ANKHD1: variants seen among roughly 807,000 people sequenced by gnomAD.
ANKHD1 encodes the protein ankyrin repeat and KH domain containing 1, also known as ankyrin repeat and KH domain-containing protein 1.
Under a neutral mutation model 230.5 loss-of-function variants are expected in ANKHD1, and 31 were observed. That is an observed-to-expected ratio of 0.13 (90% CI 0.10 to 0.18). The LOEUF (loss-of-function observed/expected upper bound fraction) is 0.18, where lower values mean the gene tolerates loss of function less well. Among genes scored for constraint, ANKHD1 ranks in the 10% least tolerant of loss-of-function variants. ANKHD1 has a pLI of 1.00. For missense variants in ANKHD1, 2,256 were observed against 3,071.3 expected (o/e 0.73, Z 6.27); for synonymous variants, 1,074 against 1,117.6 (o/e 0.96, Z 0.78).
chr5:140,479,746 T>G (rs373299502), intron 10 of ANKHD1, among the ~76,000 whole-genome samples: 23 of 144,806 alleles, frequency 1.6e-4, no homozygotes, highest in East Asian at 8.2e-4. Flanking sequence ...ATATATATAC[T>G]TATATATATA....
chr5:140,412,766 G>T (rs1033196608), intron 1 of ANKHD1, among the ~76,000 whole-genome samples: 1 of 152,148 alleles, frequency 6.6e-6, no homozygotes, highest in South Asian at 2.1e-4. Flanking sequence ...ACAGTGCATG[G>T]TTCCTGTGAG....
In ANKHD1 at chr5:140,402,069, G is replaced by A. The variant is rs569088370; in HGVS notation, c.102G>A (p.Pro34=). The A allele has an allele frequency of 2.3e-5, 34 of 1,492,124 alleles. No individual in the cohort carries two copies. In the African/African-American group the frequency reaches 3.2e-4, roughly 14 times the overall value. 92.4% of individuals were successfully genotyped at this position (1,492,124 alleles called of 1,614,324 possible). A position where few individuals can be genotyped will look rare whatever the true frequency, so the allele number is the denominator to read the frequency against. The change falls in exon 1 of 34, where the codon CCG becomes CCA. Residue 34 remains proline, a synonymous_variant. Coordinates refer to ENST00000360839, the MANE Select transcript of ANKHD1 (RefSeq NM_017747.3). ...CTGGGGCCTCGGAGCCGCCTCCGCC[G>A]GGAGGGGTCGGTCTGGGGATCCGCA... is the stretch of plus-strand genomic sequence containing the variant. ...APAGASEPPP[P]GGVGLGIRTV...
chr5:140,450,542 C>T (rs947623080), intron 7 of ANKHD1, among the ~76,000 whole-genome samples: 7 of 151,812 alleles, frequency 4.6e-5, no homozygotes, highest in Admixed American at 1.3e-4. Flanking sequence ...CTCTCTCTCT[C>T]TCTCTCTTTA....
rs1228543958 is a variant in ANKHD1, at chr5:140,485,640, G to A, written c.2050G>A (p.Val684Ile). Residue 684 changes from valine to isoleucine, a missense_variant, in exon 13 of 34, where the codon GTT becomes ATT. Coordinates refer to ENST00000360839, the MANE Select transcript of ANKHD1 (RefSeq NM_017747.3). The surrounding 1 kb of genome is among the most constrained non-coding windows in gnomAD (Gnocchi z 4.8). ...EAAKGGHTNV[V>I]SYLLDYPNNV... Reference sequence around the variant, plus strand: ...TGCAAAGGGTGGCCATACTAATGTAGTTTCTTATCTGTTGGATTATCCAAA... The same window carrying A: ...TGCAAAGGGTGGCCATACTAATGTAATTTCTTATCTGTTGGATTATCCAAA... 6.2e-7 allele frequency: 1 copy of A among 1,613,972 alleles called. No homozygotes were observed. Among genetic ancestry groups the A allele is most frequent in the Admixed American group, 1.7e-5 (1 of 60,020 alleles).
rs553376101 is a variant in ANKHD1, at chr5:140,415,052, G to A, written c.306+12779G>A. On this transcript the variant is annotated intron_variant, in intron 1 of 33. Transcript: ENST00000360839. ...AATTTATCTGTTTTTTTATTTTGTCGTATGCTTATGATGTCATGAAATTAT... is the reference window on the plus strand; with the variant it reads ...AATTTATCTGTTTTTTTATTTTGTCATATGCTTATGATGTCATGAAATTAT... 2.6e-3 allele frequency among the ~76,000 whole-genome samples: 397 copies of A among 151,616 alleles called. 1 individual carries two copies. Among genetic ancestry groups the A allele is most frequent in the Middle Eastern group, 0.014 (4 of 292 alleles).
At chr5:140,444,084 C>CCG (rs1156275044) in intron 5 of ANKHD1, among the ~76,000 whole-genome samples, 2 of 144,278 alleles carry the variant, frequency 1.4e-5, no homozygotes, top group African/African-American at 5.1e-5. Context: ...TGAAGTCCCC[C>CCG]CCCCCCTTTT....
At chr5:140,410,818 C>T (rs771410990) in intron 1 of ANKHD1, among the ~76,000 whole-genome samples, 2 of 151,948 alleles carry the variant, frequency 1.3e-5, no homozygotes, top group Admixed American at 6.6e-5. Context: ...TTTATTTAAT[C>T]GTTTCATCAC....
intron 14 of ANKHD1, among the ~76,000 whole-genome samples, chr5:140,488,733 C>T (rs1261071744): frequency 6.6e-6 from 1 of 151,980 alleles, no homozygotes; most frequent in African/African-American, 2.4e-5. Flanking sequence ...AATCCCATCT[C>T]TACTAAAAAT....
Position 140,445,742 on chromosome 5 carries a change from G to T in ANKHD1, c.914G>T (p.Gly305Val). ...DADVNSQSAT[G>V]NTALTYACAG... The stretch of plus-strand genomic sequence containing the variant: ...TTATATTTCTTCTTCTTCTTTTTAG[G>T]AAACACTGCGCTAACTTATGCATGT... Residue 305 changes from glycine to valine, a missense_variant and splice_region_variant, in exon 6 of 34, where the codon GGA (glycine) becomes GTA (valine). Physicochemically the swap from Gly to Val is moderately radical, Grantham distance 109 (BLOSUM62 -3). Transcript: ENST00000360839. 6.4e-7 allele frequency: 1 copy of T among 1,552,518 alleles called. No individual in the cohort carries two copies. The highest frequency in any genetic ancestry group is 8.7e-7 in the Non-Finnish European group (1 of 1,145,526).
chr5:140,466,701 T>G (rs1218424900), intron 10 of ANKHD1, among the ~76,000 whole-genome samples: 1 of 152,126 alleles, frequency 6.6e-6, no homozygotes, highest in Non-Finnish European at 1.5e-5. Context: ...ATCCCAGCAC[T>G]TTGGGAGACC....
At chr5:140,464,864 T>G in intron 10 of ANKHD1, 88 bp downstream of exon 10, 1 of 1,309,254 alleles carries the variant, frequency 7.6e-7, no homozygotes, top group Non-Finnish European at 1.0e-6. Context: ...GATCAATGGT[T>G]TGCGTACTTT....
chr5:140,526,699 A>AACTATGTCATT (rs1753622341), intron 26 of ANKHD1, among the ~76,000 whole-genome samples: 1 of 151,670 alleles, frequency 6.6e-6, no homozygotes, highest in Non-Finnish European at 1.5e-5. Context: ...GATTTTATCT[A>AACTATGTCATT]TGTCATTTTT....
intron 24 of ANKHD1, among the ~76,000 whole-genome samples, chr5:140,522,963 A>G (rs376990163): frequency 6.6e-6 from 1 of 151,886 alleles, no homozygotes; most frequent in African/African-American, 2.4e-5. Flanking sequence ...GGTCATTTGT[A>G]TATTTTCTTT....
intron 1 of ANKHD1, 123 bp from the exon 2 acceptor site, chr5:140,435,981 T>G: frequency 1.6e-6 from 2 of 1,264,520 alleles, no homozygotes; most frequent in Non-Finnish European, 2.1e-6. Context: ...CTCCCTTGTT[T>G]CTATAATAAT....
rs527355847 is a variant in ANKHD1 at position 140,464,874 on chromosome 5, T to C, written c.1782+98T>C. On this transcript the variant is annotated intron_variant, in intron 10 of 33. Coordinates refer to ENST00000360839, the MANE Select transcript of ANKHD1 (RefSeq NM_017747.3). ...CTAAAGATCAATGGTTTGCGTACTT[T>C]GTATACAGTAACTTAAAAAAGCTTG... is the stretch of plus-strand genomic sequence containing the variant. 2.4e-5 allele frequency: 29 copies of C among 1,217,692 alleles called. No homozygotes were observed. In the African/African-American group the frequency reaches 4.3e-4, roughly 18 times the overall value. 75.4% of individuals were successfully genotyped at this position (1,217,692 alleles called of 1,614,324 possible). A position where few individuals can be genotyped will look rare whatever the true frequency, so the allele number is the denominator to read the frequency against.
At chr5:140,519,191 G>T (rs890165171) in intron 24 of ANKHD1, among the ~76,000 whole-genome samples, 6 of 152,096 alleles carry the variant, frequency 3.9e-5, no homozygotes, top group African/African-American at 1.4e-4. Flanking sequence ...GCTTCAAAGA[G>T]AATAAAATAC....
rs974295771 is a variant in ANKHD1 at position 140,459,301 on chromosome 5, A to T, written c.1618A>T (p.Met540Leu). Reference protein sequence around the residue: ...DIELGCSTPLMEASQEGHLEL... With the variant: ...DIELGCSTPLLEASQEGHLEL... Reference sequence around the variant, plus strand: ...AGAACTTGGCTGCTCCACACCTCTGATGGAGGCATCTCAGGAGGGACACCT... The same window carrying T: ...AGAACTTGGCTGCTCCACACCTCTGTTGGAGGCATCTCAGGAGGGACACCT... Residue 540 changes from methionine (M) to leucine (L), a missense_variant, in exon 9 of 34, where the codon ATG becomes TTG. Physicochemically the swap from Met to Leu is conservative, Grantham distance 15. Coordinates refer to ENST00000360839, the MANE Select transcript of ANKHD1 (RefSeq NM_017747.3). 1 of 1,591,328 alleles carries T rather than the reference A, an allele frequency of 6.3e-7. No individual in the cohort carries two copies. Among genetic ancestry groups the T allele is most frequent in the South Asian group, 1.1e-5 (1 of 88,458 alleles).
At position 140,458,607 on chromosome 5, in the gene ANKHD1, A is replaced by G. The variant is rs771986177; in HGVS notation, c.1243-18A>G. The G allele has an allele frequency of 2.5e-6, 4 of 1,572,118 alleles. No homozygotes were observed. In the African/African-American group the frequency reaches 5.4e-5, roughly 21 times the overall value. ...AAAAAATTTCTCTCCTTCTTTCTTTACTTCTGAAAATCTGCAGGATGGACA... is the reference window on the plus strand; with the variant it reads ...AAAAAATTTCTCTCCTTCTTTCTTTGCTTCTGAAAATCTGCAGGATGGACA... On this transcript the variant is annotated intron_variant, in intron 7 of 33. Coordinates refer to ENST00000360839, the MANE Select transcript of ANKHD1 (RefSeq NM_017747.3).
At chr5:140,413,918 C>T (rs542301899) in intron 1 of ANKHD1, among the ~76,000 whole-genome samples, 16 of 152,190 alleles carry the variant, frequency 1.1e-4, no homozygotes, top group Admixed American at 1.0e-3. Context: ...GTAGCTGAGA[C>T]TACAGGAGTG....
Sources: gnomAD v4.1 joint callset for allele counts (sites outside exome capture counted in the v4.1 genomes callset) on GRCh38, gnomAD v4.1.1 for gene constraint, Gnocchi (gnomAD v3.1) non-coding constraint, MANE v1.5 for transcripts, NCBI Gene and HGNC (gene_info 2026-07-23, HGNC 2026-07-21) for gene names.